PRSS55: variants seen among roughly 807,000 people sequenced by gnomAD.
PRSS55 encodes serine protease 55, also known as probable serine protease UNQ9391/PRO34284.
A neutral mutation model predicts 23.6 loss-of-function variants in PRSS55; 41 were observed. The observed-to-expected ratio is 1.74, with a 90% confidence interval of 1.35 to 2.26. PRSS55 has a LOEUF of 2.26. Ranked by LOEUF, PRSS55 falls within the 30% of genes most tolerant of loss-of-function variation. The probability of loss-of-function intolerance (pLI) is 0.00; values close to 1 mark genes in which losing one functional copy is unlikely to be tolerated. For synonymous variants in PRSS55, 262 were observed against 175.5 expected (o/e 1.49, Z -3.90); for missense variants, 669 against 439.1 (o/e 1.52, Z -4.68).
intron 4 of PRSS55, among the ~76,000 whole-genome samples, chr8:10,535,373 T>C (rs953382849): frequency 2.6e-5 from 4 of 152,258 alleles, no homozygotes; most frequent in African/African-American, 9.6e-5. Context: ...AACTGACACA[T>C]AGACCAATGA....
At chr8:10,550,274 G>A (rs566849840) in intron 4 of PRSS55, among the ~76,000 whole-genome samples, 1 of 152,152 alleles carries the variant, frequency 6.6e-6, no homozygotes, top group African/African-American at 2.4e-5. Context: ...GAATTACCTA[G>A]GGAGCCCCAT....
chr8:10,535,591 A>G (rs1008817306), intron 4 of PRSS55, among the ~76,000 whole-genome samples: 20 of 152,242 alleles, frequency 1.3e-4, no homozygotes, highest in African/African-American at 4.8e-4. Flanking sequence ...AGACTTAAAT[A>G]TAAAACCCAA....
chr8:10,548,856 G>C (rs1186564363), intron 4 of PRSS55, among the ~76,000 whole-genome samples: 1 of 152,102 alleles, frequency 6.6e-6, no homozygotes, highest in African/African-American at 2.4e-5. Flanking sequence ...CACTGTGCTG[G>C]GGACCTGGTG....
intron 4 of PRSS55, among the ~76,000 whole-genome samples, chr8:10,537,879 T>G (rs1166408373): frequency 6.6e-6 from 1 of 152,200 alleles, no homozygotes; most frequent in East Asian, 1.9e-4. Context: ...GGGCATTTGT[T>G]TGATTTATGT....
In PRSS55 at chr8:10,538,546, G is replaced by C. The variant is rs61743179; in HGVS notation, c.812G>C (p.Ser271Thr). ...GEKWYQVGII[S>T]WGKSCGEKNT... ...AAGTGGTACCAGGTGGGCATCATAA[G>C]CTGGGGAAAGAGCTGTGGAGAGAAG... The change falls in exon 5 of 5, where the codon AGC (serine) becomes ACC (threonine). Residue 271 changes from serine (S) to threonine (T), a missense_variant. Physicochemically the swap from Ser to Thr is moderately conservative, Grantham distance 58. Transcript: ENST00000328655. 108,293 of 1,614,034 alleles carry C rather than the reference G, an allele frequency of 0.067. 4,594 individuals are homozygous for C. The highest frequency in any genetic ancestry group is 0.19 in the African/African-American group (13,927 of 74,994).
chr8:10,532,881 C>A, intron 3 of PRSS55, 25 bp from the exon 4 acceptor site: 1 of 1,613,962 alleles, frequency 6.2e-7, no homozygotes, highest in East Asian at 2.2e-5. Flanking sequence ...AGTGGCTTCT[C>A]TAATGCGCTT....
At chr8:10,549,646 T>C (rs1585897388) in intron 4 of PRSS55, among the ~76,000 whole-genome samples, 2 of 152,198 alleles carry the variant, frequency 1.3e-5, no homozygotes, top group African/African-American at 2.4e-5. Flanking sequence ...TCAGTGGCCA[T>C]GTTAGGGTAC....
chr8:10,528,862 A>G (rs1812135756), intron 1 of PRSS55, among the ~76,000 whole-genome samples: 1 of 152,188 alleles, frequency 6.6e-6, no homozygotes, highest in African/African-American at 2.4e-5. Context: ...TCCAGCTTCT[A>G]GAAACTTCTC....
intron 3 of PRSS55, among the ~76,000 whole-genome samples, chr8:10,532,092 T>C (rs893702346): frequency 6.6e-6 from 1 of 151,408 alleles, no homozygotes; most frequent in Non-Finnish European, 1.5e-5. Flanking sequence ...AGCAAATAGA[T>C]AGGGGAGGGG....
chr8:10,545,873 C>G (rs1439292984), intron 4 of PRSS55, among the ~76,000 whole-genome samples: 1 of 152,196 alleles, frequency 6.6e-6, no homozygotes, highest in African/African-American at 2.4e-5. Context: ...ACATCAGAAC[C>G]GGCCCAGTAA....
chr8:10,546,586 C>T (rs1401864878), intron 4 of PRSS55, among the ~76,000 whole-genome samples: 1 of 152,214 alleles, frequency 6.6e-6, no homozygotes, highest in Non-Finnish European at 1.5e-5. Context: ...AGGGCAGCCA[C>T]GGTGCTCCTG....
chr8:10,550,516 T>C (rs112705784), intron 4 of PRSS55, among the ~76,000 whole-genome samples: 22 of 152,274 alleles, frequency 1.4e-4, no homozygotes, highest in African/African-American at 5.1e-4. Context: ...CCAAGACAGA[T>C]ACAAACTCCA....
chr8:10,545,187 T>A (rs949174943), intron 4 of PRSS55: 1 of 164,828 alleles, frequency 6.1e-6, no homozygotes, highest in Admixed American at 7.9e-5. Flanking sequence ...ACAAATAAAA[T>A]GCAAGCCCAC....
At chr8:10,532,875 G>T (rs1035169526) in intron 3 of PRSS55, 31 bp from the exon 4 acceptor site, 2 of 1,613,580 alleles carry the variant, frequency 1.2e-6, no homozygotes, top group African/African-American at 1.3e-5. Flanking sequence ...AGGCCCAGTG[G>T]CTTCTCTAAT....
intron 4 of PRSS55, among the ~76,000 whole-genome samples, chr8:10,546,187 A>G (rs1812813629): frequency 6.6e-6 from 1 of 152,146 alleles, no homozygotes; most frequent in Non-Finnish European, 1.5e-5. Flanking sequence ...GTGAGCCTCT[A>G]TGTCCCAGGT....
chr8:10,529,632 G>A lies in PRSS55; in HGVS notation c.280G>A (p.Gly94Ser), dbSNP rs1382898635. The part of the protein sequence containing the change: ...SIQARSEPFC[G>S]GSILNKWWIL... ...TCAGGCAAGAAGTGAACCTTTCTGTGGCGGCTCCATCCTCAACAAGTGGTG... is the reference window on the plus strand; with the variant it reads ...TCAGGCAAGAAGTGAACCTTTCTGTAGCGGCTCCATCCTCAACAAGTGGTG... Residue 94 changes from glycine (G) to serine (S), a missense_variant, in exon 2 of 5, where the codon GGC becomes AGC. By Grantham distance (56) the Gly-to-Ser change is moderately conservative (BLOSUM62 0). Transcript: ENST00000328655. The A allele has an allele frequency of 6.2e-7, 1 of 1,614,164 alleles. No individual in the cohort carries two copies. Among genetic ancestry groups the A allele is most frequent in the Non-Finnish European group, 8.5e-7 (1 of 1,180,026 alleles).
At chr8:10,553,030 C>T (rs557446532) in intron 4 of PRSS55, among the ~76,000 whole-genome samples, 1 of 152,326 alleles carries the variant, frequency 6.6e-6, no homozygotes, top group Non-Finnish European at 1.5e-5. Flanking sequence ...TGTCCCCACC[C>T]AAATCTCATT....
In PRSS55 at chr8:10,529,551, A is replaced by G. The variant is rs1302513981; in HGVS notation, c.199A>G (p.Arg67Gly). Reference protein sequence around the residue: ...SIFEGRTRYSRITGGMEAEVG... With the variant: ...SIFEGRTRYSGITGGMEAEVG... ...TTTCGAGGGAAGAACTCGGTATTCC[A>G]GAATCACAGGGGGGATGGAGGCGGA... The change falls in exon 2 of 5, where the codon AGA becomes GGA. Residue 67 changes from arginine (R) to glycine (G), a missense_variant. Physicochemically the swap from Arg to Gly is moderately radical, Grantham distance 125 (BLOSUM62 -2). Coordinates refer to ENST00000328655, the MANE Select transcript of PRSS55 (RefSeq NM_198464.4). 6.2e-7 allele frequency: 1 copy of G among 1,614,224 alleles called. No homozygotes were observed.
intron 1 of PRSS55, among the ~76,000 whole-genome samples, chr8:10,526,101 C>T (rs1812012975): frequency 6.6e-6 from 1 of 152,156 alleles, no homozygotes; most frequent in Non-Finnish European, 1.5e-5. Context: ...ATGCCTAGCT[C>T]AGTCAGGCCA....
Sources: allele counts gnomAD v4.1 joint callset (sites outside exome capture counted in the v4.1 genomes callset), GRCh38; gene constraint gnomAD v4.1.1; transcripts MANE v1.5; gene names NCBI Gene and HGNC (gene_info 2026-07-23, HGNC 2026-07-21).